Variants in CCDC88C observed in about 807,000 individuals in gnomAD.
CCDC88C encodes the protein protein Daple.
Under a neutral mutation model 198.8 loss-of-function variants are expected in CCDC88C, and 131 were observed. The observed-to-expected ratio is 0.66, with a 90% confidence interval of 0.57 to 0.76. The LOEUF (loss-of-function observed/expected upper bound fraction) is 0.76, where lower values mean the gene tolerates loss of function less well. Ranked by LOEUF, CCDC88C falls within the 30% of genes least tolerant of loss-of-function variation. The pLI, the probability that CCDC88C is intolerant of heterozygous loss-of-function variation, is 0.00. For synonymous variants in CCDC88C, 1,166 were observed against 1,114.7 expected (o/e 1.05, Z -0.92); for missense variants, 2,553 against 2,631.6 (o/e 0.97, Z 0.65).
chr14:91,406,814 C>T (rs1283828822), intron 3 of CCDC88C, among the ~76,000 whole-genome samples: 1 of 152,242 alleles, frequency 6.6e-6, no homozygotes, highest in African/African-American at 2.4e-5. Context: ...GAGACGCCAG[C>T]AGAAATGCCC....
intron 4 of CCDC88C, among the ~76,000 whole-genome samples, chr14:91,357,758 G>A (rs1894105568): frequency 6.6e-6 from 1 of 152,224 alleles, no homozygotes; most frequent in South Asian, 2.1e-4. Flanking sequence ...CAGAAATCAT[G>A]AGAGTCCCCC....
At chr14:91,278,645 T>C (rs891270159) in intron 28 of CCDC88C, among the ~76,000 whole-genome samples, 2 of 152,132 alleles carry the variant, frequency 1.3e-5, no homozygotes, top group African/African-American at 4.8e-5. Flanking sequence ...CACAGTAGAA[T>C]GGAACTAGTG....
At position 91,371,079 on chromosome 14, in the gene CCDC88C, G is replaced by C. The variant is rs1894773922; in HGVS notation, c.271-11368C>G. Among the ~76,000 whole-genome samples, 1 of 152,098 alleles carries C rather than the reference G, an allele frequency of 6.6e-6. No homozygotes were observed. Among genetic ancestry groups the C allele is most frequent in the African/African-American group, 2.4e-5 (1 of 41,380 alleles). On this transcript the variant is annotated intron_variant, in intron 3 of 29. Coordinates refer to ENST00000389857, the MANE Select transcript of CCDC88C (RefSeq NM_001080414.4). The surrounding 1 kb of genome is among the most constrained non-coding windows in gnomAD (Gnocchi z 4.2). The stretch of plus-strand genomic sequence containing the variant: ...AGAGAGCAGGACCCTTTCCCCACAG[G>C]ACAGCACCTGCAGCAGTTCTGGGCT...
intron 4 of CCDC88C, among the ~76,000 whole-genome samples, chr14:91,353,440 TG>T (rs2139890898): frequency 6.6e-6 from 1 of 152,260 alleles, no homozygotes; most frequent in African/African-American, 2.4e-5. Flanking sequence ...CAACCCAGAC[TG>T]GGGGCTTCCT....
intron 10 of CCDC88C, among the ~76,000 whole-genome samples, chr14:91,327,744 C>G (rs529061449): frequency 6.6e-6 from 1 of 152,344 alleles, no homozygotes; most frequent in African/African-American, 2.4e-5. Context: ...CCTTTTCTCT[C>G]TGGCTACTGC....
At chr14:91,345,193 T>TATATATATA (rs1893493108) in intron 4 of CCDC88C, among the ~76,000 whole-genome samples, 1 of 119,572 alleles carries the variant, frequency 8.4e-6, no homozygotes, top group African/African-American at 3.3e-5. Flanking sequence ...TATATATATT[T>TATATATATA]TTTTTTTTTT....
rs571453492 is a variant in CCDC88C, at chr14:91,345,141, C to T, written c.341-1484G>A. Among the ~76,000 whole-genome samples, 9 of 144,720 alleles carry T rather than the reference C, an allele frequency of 6.2e-5. No homozygotes were observed. In the South Asian group the frequency reaches 2.0e-3, roughly 32 times the overall value. 94.9% of individuals were successfully genotyped at this position (144,720 alleles called of 152,430 possible). On this transcript the variant is annotated intron_variant, in intron 4 of 29. Coordinates refer to ENST00000389857, the MANE Select transcript of CCDC88C (RefSeq NM_001080414.4). Reference sequence around the variant, plus strand: ...AAATCAAGGCCAGTAACTTATTTAACCAATACCCCTTCCAGAGGTTCAATT... The same window carrying T: ...AAATCAAGGCCAGTAACTTATTTAATCAATACCCCTTCCAGAGGTTCAATT...
At chr14:91,373,547 T>TGTGC (rs1894929244) in intron 3 of CCDC88C, among the ~76,000 whole-genome samples, 2 of 152,202 alleles carry the variant, frequency 1.3e-5, no homozygotes, top group Non-Finnish European at 2.9e-5. Flanking sequence ...AGCAGACATT[T>TGTGC]CATGCAAACT....
intron 4 of CCDC88C, among the ~76,000 whole-genome samples, chr14:91,345,190 A>C (rs11621543): frequency 1.9e-5 from 1 of 52,204 alleles, no homozygotes; most frequent in Non-Finnish European, 3.4e-5. Flanking sequence ...ATATATATAT[A>C]TTTTTTTTTT....
rs770457183 is a variant in CCDC88C at position 91,339,837 on chromosome 14, C to T, written c.624+47G>A. On this transcript the variant is annotated intron_variant, in intron 7 of 29. Coordinates refer to ENST00000389857, the MANE Select transcript of CCDC88C (RefSeq NM_001080414.4). This position sits in a 1 kb window ranked among gnomAD's most constrained non-coding sequence, Gnocchi z 5.8. ...GATGAAGGGAGAGGAGATGAAGGGG[C>T]CTAAGCCCCTTCCCAGGCTGACCGG... 15 of 1,537,302 alleles carry T rather than the reference C, an allele frequency of 9.8e-6. No homozygotes were observed. The highest frequency in any genetic ancestry group is 1.2e-5 in the Non-Finnish European group (14 of 1,140,490).
chr14:91,365,361 G>A (rs1184549894), intron 3 of CCDC88C, among the ~76,000 whole-genome samples: 4 of 152,148 alleles, frequency 2.6e-5, no homozygotes, highest in Non-Finnish European at 4.4e-5. Context: ...GGGTCTGAGC[G>A]CCTCCCTTCT....
At position 91,283,608 on chromosome 14, in the gene CCDC88C, G is replaced by C. The variant is rs1890289472; in HGVS notation, c.4442-91C>G. On this transcript the variant is annotated intron_variant, in intron 25 of 29. Transcript: ENST00000389857. ...CCATGGCCTAGAAGCAGGGCAGCAG[G>C]GCATGAGGACCACAGAGACAAAAGC... 4 of 1,258,608 alleles carry C rather than the reference G, an allele frequency of 3.2e-6. No individual in the cohort carries two copies. The South Asian group carries it at 5.7e-5, about 18-fold the overall frequency. 78.0% of individuals were successfully genotyped at this position (1,258,608 alleles called of 1,614,324 possible). A position where few individuals can be genotyped will look rare whatever the true frequency, so the allele number is the denominator to read the frequency against.
At chr14:91,337,318 A>G (rs991582833) in intron 10 of CCDC88C, among the ~76,000 whole-genome samples, 21 of 152,186 alleles carry the variant, frequency 1.4e-4, no homozygotes, top group Non-Finnish European at 2.9e-4. Context: ...TTGAAACCTC[A>G]TAGAGCCATA....
intron 3 of CCDC88C, 100 bp from the exon 4 acceptor site, chr14:91,359,811 C>T (rs1894222663): frequency 4.7e-6 from 5 of 1,054,544 alleles, no homozygotes; most frequent in Non-Finnish European, 7.2e-6. Flanking sequence ...GACGGGTGCA[C>T]AGCCATCCCG....
In CCDC88C at chr14:91,392,872, T is replaced by C. The variant is rs190465250; in HGVS notation, c.270+15787A>G. Among the ~76,000 whole-genome samples the C allele has an allele frequency of 1.8e-3, 266 of 151,900 alleles. 1 individual carries two copies. The highest frequency in any genetic ancestry group is 6.0e-3 in the African/African-American group (247 of 41,316). On this transcript the variant is annotated intron_variant, in intron 3 of 29. Transcript: ENST00000389857. ...CCCCGCCCTGAGTGAGTCTGCAATGTAGGGTGGGACACAGAGAAAACAAGT... is the reference window on the plus strand; with the variant it reads ...CCCCGCCCTGAGTGAGTCTGCAATGCAGGGTGGGACACAGAGAAAACAAGT...
intron 1 of CCDC88C, chr14:91,417,182 T>C: frequency 2.8e-6 from 2 of 702,992 alleles, no homozygotes; most frequent in Non-Finnish European, 5.2e-6. Context: ...CGCTTTCCCA[T>C]TCGGCGCCCC....
intron 3 of CCDC88C, among the ~76,000 whole-genome samples, chr14:91,366,715 G>C (rs1036299759): frequency 6.6e-6 from 1 of 152,168 alleles, no homozygotes; most frequent in African/African-American, 2.4e-5. Flanking sequence ...GAACAGATGG[G>C]AGCCAGGAGC....
chr14:91,402,688 G>GA (rs899072971), intron 3 of CCDC88C, among the ~76,000 whole-genome samples: 12 of 152,262 alleles, frequency 7.9e-5, no homozygotes, highest in Admixed American at 7.8e-4. Context: ...TATCTCAAGA[G>GA]AAAATTTTTA....
At chr14:91,355,642 G>C (rs2139895709) in intron 4 of CCDC88C, among the ~76,000 whole-genome samples, 1 of 152,310 alleles carries the variant, frequency 6.6e-6, no homozygotes, top group East Asian at 1.9e-4. Context: ...GATTTCAAAA[G>C]CAATTTTCAG....
Sources: gnomAD v4.1 joint callset for allele counts (sites outside exome capture counted in the v4.1 genomes callset) on GRCh38, gnomAD v4.1.1 for gene constraint, Gnocchi (gnomAD v3.1) non-coding constraint, MANE v1.5 for transcripts, NCBI Gene and HGNC (gene_info 2026-07-23, HGNC 2026-07-21) for gene names.